The following CNTN6 variants were observed in gnomAD, a reference collection of about 807,000 sequenced individuals.
The protein encoded by CNTN6 is contactin 6, also known as contactin-6.
Under a neutral mutation model 122.8 loss-of-function variants are expected in CNTN6, and 137 were observed. The observed-to-expected ratio is 1.12, with a 90% CI of 0.97 to 1.29. CNTN6 has a LOEUF of 1.29. Among genes scored for constraint, CNTN6 ranks in the 50% most tolerant of loss-of-function variants. The probability of loss-of-function intolerance (pLI) is 0.00; values close to 1 mark genes in which losing one functional copy is unlikely to be tolerated. For missense variants in CNTN6, 1,634 were observed against 1,223.4 expected, an observed-to-expected ratio of 1.34 and a Z score of -5.01; for synonymous variants, 570 against 426.0, an observed-to-expected ratio of 1.34 and a Z score of -4.16.
At chr3:1,119,322 C>T (rs1305078876) in intron 1 of CNTN6, among the ~76,000 whole-genome samples, 6 of 126,544 alleles carry the variant, frequency 4.7e-5, no homozygotes, top group East Asian at 2.4e-4. Context: ...ACAGAAAAAT[C>T]GTGTGTGTGT....
chr3:1,098,814 A>G (rs59811131), intron 1 of CNTN6, among the ~76,000 whole-genome samples: 30,601 of 142,856 alleles, frequency 0.21, 7,540 homozygotes, highest in African/African-American at 0.59. Flanking sequence ...ATATATATAT[A>G]TATAGTGGGA....
At chr3:1,098,116 G>A (rs901198316) in intron 1 of CNTN6, among the ~76,000 whole-genome samples, 1 of 151,788 alleles carries the variant, frequency 6.6e-6, no homozygotes, top group African/African-American at 2.4e-5. Flanking sequence ...GGATAGCATT[G>A]GGAGATATAC....
intron 4 of CNTN6, among the ~76,000 whole-genome samples, chr3:1,247,983 A>G (rs2094605604): frequency 6.6e-6 from 1 of 152,152 alleles, no homozygotes; most frequent in South Asian, 2.1e-4. Context: ...GACAATAGAA[A>G]GGAGTTGCTA....
chr3:1,335,157 T>C (rs1702862684), intron 11 of CNTN6, among the ~76,000 whole-genome samples: 1 of 152,182 alleles, frequency 6.6e-6, no homozygotes, highest in Non-Finnish European at 1.5e-5. Context: ...TCTCAGCTGG[T>C]TCATTTCAGA....
intron 1 of CNTN6, among the ~76,000 whole-genome samples, chr3:1,139,071 T>C (rs2092551368): frequency 6.6e-6 from 1 of 152,158 alleles, no homozygotes; most frequent in Non-Finnish European, 1.5e-5. Flanking sequence ...AATTAATTAT[T>C]CTTCACCTGT....
Position 1,380,965 on chromosome 3 carries a change from A to ATAAC in CNTN6, c.2167-1974_2167-1971dup, listed in dbSNP as rs534904571. Among the ~76,000 whole-genome samples, 3 of 152,254 alleles carry ATAAC rather than the reference A, an allele frequency of 2.0e-5. No homozygotes were observed. In the South Asian group the frequency reaches 6.2e-4, roughly 32 times the overall value. On this transcript the variant is annotated intron_variant, in intron 17 of 22. Coordinates refer to ENST00000446702, the MANE Select transcript of CNTN6 (RefSeq NM_001289080.2). ...AAAACTCTTTTTCTGGCCTTGTTAA[A>ATAAC]TAACTATATATATTTTTTAATCATT...
intron 2 of CNTN6, among the ~76,000 whole-genome samples, chr3:1,190,385 T>C (rs941252627): frequency 1.3e-5 from 2 of 152,188 alleles, no homozygotes; most frequent in Admixed American, 6.5e-5. Context: ...ACATGCACTT[T>C]ATATGTCACA....
At position 1,401,572 on chromosome 3, in the gene CNTN6, A is replaced by C. The variant is rs1479037731; in HGVS notation, c.2817+27A>C. The C allele has an allele frequency of 6.1e-6, 9 of 1,483,630 alleles. No individual in the cohort carries two copies. The South Asian group carries it at 1.1e-4, about 18-fold the overall frequency. The allele number at this position is 1,483,630 out of a possible 1,614,324, so 91.9% of individuals were successfully genotyped here. Reference sequence around the variant, plus strand: ...TGAGTTTTTAGTTTTTCCTTTAATCATATCAATTAAGTTACTAAGGAATGA... The same window carrying C: ...TGAGTTTTTAGTTTTTCCTTTAATCCTATCAATTAAGTTACTAAGGAATGA... On this transcript the variant is annotated intron_variant, in intron 21 of 22. Coordinates refer to ENST00000446702, the MANE Select transcript of CNTN6 (RefSeq NM_001289080.2).
At chr3:1,216,925 T>A (rs915831705) in intron 2 of CNTN6, among the ~76,000 whole-genome samples, 1 of 152,176 alleles carries the variant, frequency 6.6e-6, no homozygotes, top group African/African-American at 2.4e-5. Context: ...AAAAGATGAT[T>A]CAACTTCCTG....
At chr3:1,239,498 G>A (rs569156410) in intron 4 of CNTN6, among the ~76,000 whole-genome samples, 3 of 152,160 alleles carry the variant, frequency 2.0e-5, no homozygotes, top group African/African-American at 7.2e-5. Flanking sequence ...GGAAAACTAT[G>A]AAACACTGCT....
At chr3:1,318,867 A>G (rs1559807937) in intron 7 of CNTN6, among the ~76,000 whole-genome samples, 1 of 151,782 alleles carries the variant, frequency 6.6e-6, no homozygotes, top group Non-Finnish European at 1.5e-5. Flanking sequence ...AAGAGATAAC[A>G]TGTACTGGCT....
At chr3:1,198,534 C>T (rs575889875) in intron 2 of CNTN6, among the ~76,000 whole-genome samples, 1 of 152,128 alleles carries the variant, frequency 6.6e-6, no homozygotes, top group South Asian at 2.1e-4. Flanking sequence ...ACCAACCTGA[C>T]CAACATGGTG....
intron 5 of CNTN6, among the ~76,000 whole-genome samples, chr3:1,287,896 T>G (rs3872631): frequency 0.39 from 58,570 of 152,044 alleles, 13,191 homozygotes; most frequent in East Asian, 0.63. Context: ...CTCCCCATGT[T>G]TAGCATATGA....
intron 2 of CNTN6, among the ~76,000 whole-genome samples, chr3:1,206,298 G>T (rs1396586771): frequency 6.6e-6 from 1 of 151,966 alleles, no homozygotes; most frequent in Non-Finnish European, 1.5e-5. Context: ...GGAAATAAGA[G>T]AAAAAAACAG....
chr3:1,115,746 T>C (rs2091692922), intron 1 of CNTN6, among the ~76,000 whole-genome samples: 1 of 150,126 alleles, frequency 6.7e-6, no homozygotes, highest in South Asian at 2.1e-4. Context: ...GGTGATACTC[T>C]GTCTCAAAAT....
chr3:1,403,439 TGA>T lies in CNTN6; in HGVS notation c.*25_*26del, dbSNP rs1401783267. Reference sequence around the variant, plus strand: ...TCTGATGAATAAAACCATAAATCTTTGAGAGTTTTTTGAAAGCAAATCATTCT... The same window carrying T: ...TCTGATGAATAAAACCATAAATCTTTGAGTTTTTTGAAAGCAAATCATTCT... On this transcript the variant is annotated 3_prime_UTR_variant, in exon 23 of 23. Transcript: ENST00000446702. 4 of 1,529,560 alleles carry T rather than the reference TGA, an allele frequency of 2.6e-6. No individual in the cohort carries two copies. The highest frequency in any genetic ancestry group is 1.4e-5 in the African/African-American group (1 of 73,154). 94.7% of individuals were successfully genotyped at this position (1,529,560 alleles called of 1,614,324 possible).
At chr3:1,202,342 C>A (rs139332961) in intron 2 of CNTN6, among the ~76,000 whole-genome samples, 41 of 152,082 alleles carry the variant, frequency 2.7e-4, no homozygotes. Context: ...ATATCAAGAC[C>A]ATCCTGGCTA....
At chr3:1,172,620 C>CTCTCTCTGTGTG (rs762907787) in intron 2 of CNTN6, among the ~76,000 whole-genome samples, 6 of 150,288 alleles carry the variant, frequency 4.0e-5, no homozygotes, top group African/African-American at 1.2e-4. Context: ...CAATAACTCT[C>CTCTCTCTGTGTG]TGTGTGTGTG....
chr3:1,098,265 A>G lies in CNTN6; in HGVS notation c.-83+5145A>G, dbSNP rs889784617. 9.9e-5 allele frequency among the ~76,000 whole-genome samples: 15 copies of G among 152,108 alleles called. No individual in the cohort carries two copies. In the East Asian group the frequency reaches 2.9e-3, roughly 29 times the overall value. On this transcript the variant is annotated intron_variant, in intron 1 of 22. Coordinates refer to ENST00000446702, the MANE Select transcript of CNTN6 (RefSeq NM_001289080.2). The stretch of plus-strand genomic sequence containing the variant: ...CTAATAATAAAATAAAAATAAAAAA[A>G]AGAGAAAGGGTATATTTGATTTTTT...
Sources: gnomAD v4.1 joint callset for allele counts (sites outside exome capture counted in the v4.1 genomes callset) on GRCh38, gnomAD v4.1.1 for gene constraint, MANE v1.5 for transcripts, NCBI Gene and HGNC (gene_info 2026-07-23, HGNC 2026-07-21) for gene names.